FAT3: variants seen among roughly 807,000 people sequenced by gnomAD.
FAT3 encodes the protein FAT atypical cadherin 3.
In FAT3, 95 loss-of-function variants were observed where a neutral mutation model predicts 310.2. The observed-to-expected ratio is 0.31, with a 90% confidence interval of 0.26 to 0.36. The LOEUF (loss-of-function observed/expected upper bound fraction) is 0.36, where lower values mean the gene tolerates loss of function less well. FAT3 is among the 10% of genes least tolerant of loss of function. FAT3 has a pLI of 1.00. For missense variants in FAT3, 5,408 were observed against 5,715.6 expected (o/e 0.95, Z 1.74); for synonymous variants, 2,314 against 2,192.9 (o/e 1.06, Z -1.54).
At chr11:92,773,984 T>A (rs1390580295) in intron 6 of FAT3, 57 bp from the exon 7 acceptor site, 5 of 1,594,824 alleles carry the variant, frequency 3.1e-6, no homozygotes, top group Middle Eastern at 1.7e-4. Flanking sequence ...ATATATGATA[T>A]AATGCATGTA....
Position 92,798,667 on chromosome 11 carries a change from A to T in FAT3, c.5654A>T (p.Gln1885Leu). The T allele has an allele frequency of 6.2e-7, 1 of 1,613,762 alleles. No individual in the cohort carries two copies. The highest frequency in any genetic ancestry group is 8.5e-7 in the Non-Finnish European group (1 of 1,179,826). The part of the protein sequence containing the change: ...DVNDNPPVFT[Q>L]AVFETILLLP... Reference sequence around the variant, plus strand: ...AATGATAACCCACCTGTTTTTACTCAGGCTGTGTTTGAGACTATCTTACTT... The same window carrying T: ...AATGATAACCCACCTGTTTTTACTCTGGCTGTGTTTGAGACTATCTTACTT... Residue 1885 changes from glutamine (Q) to leucine (L), a missense_variant, in exon 10 of 28, where the codon CAG becomes CTG. This residue lies in a region of FAT3 where 4,588 missense variants were observed against 4,809.8 expected (regional missense o/e 0.95). Coordinates refer to ENST00000525166, the MANE Select transcript of FAT3 (RefSeq NM_001367949.2).
At chr11:92,411,121 T>TTA in intron 2 of FAT3, among the ~76,000 whole-genome samples, 1 of 127,748 alleles carries the variant, frequency 7.8e-6, no homozygotes, top group South Asian at 2.3e-4. Flanking sequence ...AATATATATA[T>TTA]TTATATATTA....
intron 3 of FAT3, among the ~76,000 whole-genome samples, chr11:92,640,933 A>G (rs1340062652): frequency 6.6e-6 from 1 of 152,184 alleles, no homozygotes; most frequent in Non-Finnish European, 1.5e-5. Context: ...TGGTCTGGGC[A>G]TGGTGGCTCA....
intron 2 of FAT3, among the ~76,000 whole-genome samples, chr11:92,468,610 A>G (rs2135140330): frequency 6.6e-6 from 1 of 152,308 alleles, no homozygotes; most frequent in Non-Finnish European, 1.5e-5. Context: ...TGATTTATAA[A>G]GGAGAGAGGT....
At chr11:92,730,158 A>T (rs1003457957) in intron 4 of FAT3, among the ~76,000 whole-genome samples, 3 of 152,052 alleles carry the variant, frequency 2.0e-5, no homozygotes, top group African/African-American at 7.2e-5. Flanking sequence ...CAACATACTG[A>T]GACCCCCATC....
At chr11:92,874,688 C>T (rs1949486122) in intron 22 of FAT3, among the ~76,000 whole-genome samples, 1 of 152,174 alleles carries the variant, frequency 6.6e-6, no homozygotes, top group African/African-American at 2.4e-5. Context: ...TATAGGCATG[C>T]ACCACCATGC....
At chr11:92,735,256 A>G (rs1046870660) in intron 4 of FAT3, among the ~76,000 whole-genome samples, 5 of 152,162 alleles carry the variant, frequency 3.3e-5, no homozygotes, top group African/African-American at 9.7e-5. Flanking sequence ...GGGGCTAATC[A>G]TAGCCATTTT....
At chr11:92,502,577 T>C (rs1359129696) in intron 2 of FAT3, among the ~76,000 whole-genome samples, 1 of 152,044 alleles carries the variant, frequency 6.6e-6, no homozygotes, top group Non-Finnish European at 1.5e-5. Flanking sequence ...TTTTAAGACA[T>C]GTGAAGCAGA....
chr11:92,273,936 G>T (rs537990483), intron 1 of FAT3, among the ~76,000 whole-genome samples: 1 of 152,044 alleles, frequency 6.6e-6, no homozygotes, highest in Non-Finnish European at 1.5e-5. Context: ...ACTTTATGAC[G>T]GGTTTGTTTA....
At chr11:92,701,723 C>G (rs1014700970) in intron 4 of FAT3, among the ~76,000 whole-genome samples, 1 of 152,154 alleles carries the variant, frequency 6.6e-6, no homozygotes, top group Admixed American at 6.5e-5. Context: ...ATAATGGACA[C>G]GTAAATGAAA....
At position 92,229,490 on chromosome 11, in the gene FAT3, G is replaced by GTTTTTTTTTTTTTTTTTTTTTTTTTTTT; in HGVS notation, c.-18+4317_-18+4318insTTTTTTTTTTTTTTTTTTTTTTTTTTTT. Among the ~76,000 whole-genome samples, 22 of 46,840 alleles carry GTTTTTTTTTTTTTTTTTTTTTTTTTTTT rather than the reference G, an allele frequency of 4.7e-4. 3 individuals are homozygous for GTTTTTTTTTTTTTTTTTTTTTTTTTTTT. Among genetic ancestry groups the GTTTTTTTTTTTTTTTTTTTTTTTTTTTT allele is most frequent in the Non-Finnish European group, 6.2e-4 (14 of 22,432 alleles). 30.7% of individuals were successfully genotyped at this position (46,840 alleles called of 152,430 possible). On this transcript the variant is annotated intron_variant, in intron 1 of 27. Coordinates refer to ENST00000525166, the MANE Select transcript of FAT3 (RefSeq NM_001367949.2). ...CCTTGTTTTCTTTTTTTGTTTTTTC[G>GTTTTTTTTTTTTTTTTTTTTTTTTTTTT]TGTTTTTTTTTTTTTTGTTTTTTGT...
chr11:92,583,964 C>T (rs1938988996), intron 3 of FAT3, among the ~76,000 whole-genome samples: 1 of 152,020 alleles, frequency 6.6e-6, no homozygotes, highest in Admixed American at 6.6e-5. Flanking sequence ...AAGAGAAGTG[C>T]ATGTTCTGTG....
Position 92,889,884 on chromosome 11 carries a change from C to T in FAT3, c.13140C>T (p.Tyr4380=), listed in dbSNP as rs1949877590. Reference sequence around the variant, plus strand: ...CTGTCATGGACCAAGGACAGAACTACAACCGAGGTGACTGTGCCGCAACCC... The same window carrying T: ...CTGTCATGGACCAAGGACAGAACTATAACCGAGGTGACTGTGCCGCAACCC... ...EVSVMDQGQN[Y]NRAYHWDTSD... The change falls in exon 27 of 28, where the codon TAC becomes TAT. Residue 4380 remains tyrosine (Y), a synonymous_variant. Transcript: ENST00000525166. The T allele has an allele frequency of 1.4e-6, 1 of 718,114 alleles. No individual in the cohort carries two copies. Among genetic ancestry groups the T allele is most frequent in the Admixed American group, 2.0e-5 (1 of 50,028 alleles). The allele number at this position is 718,114 out of a possible 1,614,324, so 44.5% of individuals were successfully genotyped here. A position where few individuals can be genotyped will look rare whatever the true frequency, so the allele number is the denominator to read the frequency against.
intron 1 of FAT3, among the ~76,000 whole-genome samples, chr11:92,346,617 C>T (rs187399231): frequency 1.1e-4 from 17 of 152,210 alleles, no homozygotes; most frequent in African/African-American, 2.6e-4. Context: ...TTAATATTCA[C>T]GGAATATTTA....
intron 1 of FAT3, among the ~76,000 whole-genome samples, chr11:92,228,265 A>G (rs1265870580): frequency 6.6e-6 from 1 of 152,070 alleles, no homozygotes; most frequent in East Asian, 1.9e-4. Flanking sequence ...CCTTTTAGAA[A>G]TCTTTCTTTC....
At chr11:92,694,936 G>A (rs960665897) in intron 3 of FAT3, among the ~76,000 whole-genome samples, 2 of 152,110 alleles carry the variant, frequency 1.3e-5, no homozygotes, top group African/African-American at 4.8e-5. Context: ...CAATAGAATG[G>A]CCCAAAAATG....
At chr11:92,829,271 A>C (rs1053156173) in intron 13 of FAT3, among the ~76,000 whole-genome samples, 1 of 152,226 alleles carries the variant, frequency 6.6e-6, no homozygotes, top group African/African-American at 2.4e-5. Context: ...CAGCACATGC[A>C]CTAATGGAAG....
At position 92,561,250 on chromosome 11, in the gene FAT3, CGTGTGTGTGTGTGTGTGT is replaced by C. The variant is rs66585879; in HGVS notation, c.3607+36325_3607+36342del. Among the ~76,000 whole-genome samples, 15 of 148,490 alleles carry C rather than the reference CGTGTGTGTGTGTGTGTGT, an allele frequency of 1.0e-4. No homozygotes were observed. In the South Asian group the frequency reaches 1.1e-3, roughly 11 times the overall value. On this transcript the variant is annotated intron_variant, in intron 3 of 27. Coordinates refer to ENST00000525166, the MANE Select transcript of FAT3 (RefSeq NM_001367949.2). ...GACAGTCTCTCAGATCCTTCTACTTCGTGTGTGTGTGTGTGTGTGTGTGTGTGTGTGTGTGTGTGTTTA... is the reference window on the plus strand; with the variant it reads ...GACAGTCTCTCAGATCCTTCTACTTCGTGTGTGTGTGTGTGTGTGTGTTTA...
chr11:92,347,805 G>A (rs1191818855), intron 1 of FAT3, among the ~76,000 whole-genome samples: 2 of 152,158 alleles, frequency 1.3e-5, no homozygotes, highest in Non-Finnish European at 2.9e-5. Context: ...GATTATGTTA[G>A]TAAGTCGTAG....
Sources: gnomAD v4.1 joint callset for allele counts (sites outside exome capture counted in the v4.1 genomes callset) on GRCh38, gnomAD v4.1.1 for gene constraint, gnomAD v4.1.1 regional missense constraint, MANE v1.5 for transcripts, NCBI Gene and HGNC (gene_info 2026-07-23, HGNC 2026-07-21) for gene names.